The following CREBBP variants were observed in gnomAD, a reference collection of about 807,000 sequenced individuals.
The protein encoded by CREBBP is CREB-binding protein.
In CREBBP, 19 loss-of-function variants were observed where a neutral mutation model predicts 265.0. The ratio of observed to expected loss-of-function variants is 0.07; its 90% CI spans 0.05 to 0.11. The LOEUF is 0.11. CREBBP is among the 10% of genes least tolerant of loss of function. The pLI is 1.00. For missense variants in CREBBP, 2,525 were observed against 3,219.0 expected, an observed-to-expected ratio of 0.78 and a Z score of 5.22; for synonymous variants, 1,457 against 1,223.7, an observed-to-expected ratio of 1.19 and a Z score of -3.98.
intron 3 of CREBBP, among the ~76,000 whole-genome samples, chr16:3,800,176 T>C (rs185121933): frequency 1.8e-4 from 28 of 152,296 alleles, no homozygotes; most frequent in African/African-American, 4.1e-4. Flanking sequence ...TGAAGTGAAG[T>C]AGTGCAATCA....
intron 19 of CREBBP, 74 bp downstream of exon 19, chr16:3,757,214 T>G: frequency 7.9e-7 from 1 of 1,265,394 alleles, no homozygotes; most frequent in Non-Finnish European, 1.1e-6. Context: ...AGGAAAGAAA[T>G]AATGTACACA....
At chr16:3,782,636 T>G (rs758297886) in intron 6 of CREBBP, 48 bp downstream of exon 6, 3 of 1,609,910 alleles carry the variant, frequency 1.9e-6, no homozygotes, top group Non-Finnish European at 2.5e-6. Context: ...CCATTCCCTT[T>G]GCTGCATGTG....
chr16:3,831,382 T>C (rs960991372), intron 2 of CREBBP, among the ~76,000 whole-genome samples: 2 of 152,148 alleles, frequency 1.3e-5, no homozygotes, highest in Non-Finnish European at 2.9e-5. Context: ...CTTTTTTATG[T>C]TTATGGATTT....
chr16:3,879,993 G>T lies in CREBBP; in HGVS notation c.-77C>A, dbSNP rs2055494592. The stretch of plus-strand genomic sequence containing the variant: ...GGCCCGGACGGGGGTCGGGGGCCCT[G>T]CCGGCTGCGAGGGAGAGGAGCGAGC... On this transcript the variant is annotated 5_prime_UTR_variant, in exon 1 of 31. Coordinates refer to ENST00000262367, the MANE Select transcript of CREBBP (RefSeq NM_004380.3). 1.4e-6 allele frequency: 2 copies of T among 1,429,642 alleles called. No homozygotes were observed. Among genetic ancestry groups the T allele is most frequent in the East Asian group, 2.6e-5 (1 of 37,940 alleles). The allele number at this position is 1,429,642 out of a possible 1,614,324, so 88.6% of individuals were successfully genotyped here.
chr16:3,818,639 G>T (rs970829150), intron 2 of CREBBP, among the ~76,000 whole-genome samples: 2 of 152,074 alleles, frequency 1.3e-5, no homozygotes, highest in African/African-American at 2.4e-5. Flanking sequence ...GTGGTTCCGA[G>T]GAGCCCACTA....
At chr16:3,879,803 G>GC in intron 1 of CREBBP, 29 bp downstream of exon 1, 2 of 1,556,362 alleles carry the variant, frequency 1.3e-6, no homozygotes, top group Non-Finnish European at 1.7e-6. Flanking sequence ...CGCGCCCCGG[G>GC]CCCCCGCCGC....
At chr16:3,785,455 T>A (rs564086697) in intron 5 of CREBBP, among the ~76,000 whole-genome samples, 1 of 152,304 alleles carries the variant, frequency 6.6e-6, no homozygotes, top group Admixed American at 6.5e-5. Flanking sequence ...ACAGGGAAAA[T>A]CAGGCTCATG....
chr16:3,818,720 T>G (rs2054086910), intron 2 of CREBBP, among the ~76,000 whole-genome samples: 1 of 152,128 alleles, frequency 6.6e-6, no homozygotes, highest in Admixed American at 6.5e-5. Flanking sequence ...CAAGCCACAA[T>G]ACACAGCAGA....
At chr16:3,733,569 T>C (rs1461975877) in intron 28 of CREBBP, among the ~76,000 whole-genome samples, 4 of 152,146 alleles carry the variant, frequency 2.6e-5, no homozygotes, top group Non-Finnish European at 5.9e-5. Flanking sequence ...AGGTAAGACA[T>C]TAGTAACAGG....
In CREBBP at chr16:3,747,055, T is replaced by G. The variant is rs529852451; in HGVS notation, c.3837-1701A>C. Among the ~76,000 whole-genome samples the G allele has an allele frequency of 2.6e-5, 4 of 152,206 alleles. No individual in the cohort carries two copies. In the South Asian group the frequency reaches 8.3e-4, roughly 32 times the overall value. On this transcript the variant is annotated intron_variant, in intron 21 of 30. Coordinates refer to ENST00000262367, the MANE Select transcript of CREBBP (RefSeq NM_004380.3). Reference sequence around the variant, plus strand: ...CCACTCCCAATTATTATGGGCCAACTAGATGTCTCCCCTTCCCTCAGTCCC... The same window carrying G: ...CCACTCCCAATTATTATGGGCCAACGAGATGTCTCCCCTTCCCTCAGTCCC...
chr16:3,759,107 C>T, intron 16 of CREBBP, 135 bp from the exon 17 acceptor site: 1 of 742,870 alleles, frequency 1.3e-6, no homozygotes, highest in Non-Finnish European at 2.4e-6. Flanking sequence ...GGCTCTCGTC[C>T]ATCACCGTTA....
chr16:3,868,347 T>C (rs1263891868), intron 1 of CREBBP, among the ~76,000 whole-genome samples: 1 of 150,182 alleles, frequency 6.7e-6, no homozygotes, highest in Non-Finnish European at 1.5e-5. Context: ...TTAAGCTGCT[T>C]TTCATGGGGC....
chr16:3,862,976 A>G (rs2055108006), intron 1 of CREBBP, among the ~76,000 whole-genome samples: 1 of 152,198 alleles, frequency 6.6e-6, no homozygotes. Context: ...TAGTAAGTTC[A>G]TTTAACATGG....
intron 1 of CREBBP, among the ~76,000 whole-genome samples, chr16:3,858,074 T>G (rs1399020796): frequency 6.6e-6 from 1 of 151,996 alleles, no homozygotes; most frequent in African/African-American, 2.4e-5. Flanking sequence ...ATGCAGACTG[T>G]TAGGTGGGGA....
intron 3 of CREBBP, among the ~76,000 whole-genome samples, chr16:3,801,159 G>C (rs981473331): frequency 4.6e-5 from 7 of 152,142 alleles, no homozygotes; most frequent in African/African-American, 1.7e-4. Flanking sequence ...CCAACTAGCA[G>C]CAAAGCCCCA....
At chr16:3,743,905 G>A (rs2052276691) in intron 23 of CREBBP, among the ~76,000 whole-genome samples, 1 of 151,936 alleles carries the variant, frequency 6.6e-6, no homozygotes, top group Non-Finnish European at 1.5e-5. Flanking sequence ...GGTGAAACCC[G>A]TCTCTACTAA....
chr16:3,757,634 C>T (rs1303988220), intron 18 of CREBBP, among the ~76,000 whole-genome samples, 175 bp downstream of exon 18: 1 of 152,138 alleles, frequency 6.6e-6, no homozygotes, highest in African/African-American at 2.4e-5. Flanking sequence ...TCAGTAAGCG[C>T]CTGTACACCC....
At chr16:3,865,585 C>A (rs1195581667) in intron 1 of CREBBP, among the ~76,000 whole-genome samples, 1 of 152,072 alleles carries the variant, frequency 6.6e-6, no homozygotes, top group Non-Finnish European at 1.5e-5. Flanking sequence ...AGGTTTTGTC[C>A]TCTGAGTTTT....
In CREBBP at chr16:3,770,843, G is replaced by T. The variant is rs375527347; in HGVS notation, c.2607C>A (p.Leu869=). The change falls in exon 14 of 31, where the codon CTC becomes CTA. Residue 869 remains leucine, a synonymous_variant. Transcript: ENST00000262367. ...PASTAAGMPS[L]QHTTPPGMTP... Reference sequence around the variant, plus strand: ...TCATCCCAGGTGGTGTCGTGTGCTGGAGAGATGGCATGCCAGCAGCCGTGG... The same window carrying T: ...TCATCCCAGGTGGTGTCGTGTGCTGTAGAGATGGCATGCCAGCAGCCGTGG... 6.2e-7 allele frequency: 1 copy of T among 1,614,030 alleles called. No homozygotes were observed. Among genetic ancestry groups the T allele is most frequent in the East Asian group, 2.2e-5 (1 of 44,866 alleles).
Sources: allele counts gnomAD v4.1 joint callset (sites outside exome capture counted in the v4.1 genomes callset), GRCh38; gene constraint gnomAD v4.1.1; transcripts MANE v1.5; gene names NCBI Gene and HGNC (gene_info 2026-07-23, HGNC 2026-07-21).